The following FHIT variants were observed in gnomAD, a reference collection of about 807,000 sequenced individuals.
The protein encoded by FHIT is fragile histidine triad diadenosine triphosphatase.
A neutral mutation model predicts 17.9 loss-of-function variants in FHIT; 19 were observed. The ratio of observed to expected loss-of-function variants is 1.06; its 90% CI spans 0.74 to 1.56. The LOEUF (loss-of-function observed/expected upper bound fraction) is 1.56, where lower values mean the gene tolerates loss of function less well. FHIT is among the 40% of genes most tolerant of loss of function. The pLI, the probability that FHIT is intolerant of heterozygous loss-of-function variation, is 0.00. For missense variants in FHIT, 248 were observed against 189.2 expected, an observed-to-expected ratio of 1.31 and a Z score of -1.82; for synonymous variants, 81 against 69.7, an observed-to-expected ratio of 1.16 and a Z score of -0.81.
At chr3:60,872,561 G>T (rs781860157) in intron 3 of FHIT, among the ~76,000 whole-genome samples, 6 of 151,986 alleles carry the variant, frequency 3.9e-5, no homozygotes, top group Non-Finnish European at 5.9e-5. Context: ...GGCCAGTTTT[G>T]CTTCCTGGCT....
chr3:60,845,339 A>AC (rs1553746149), intron 3 of FHIT, among the ~76,000 whole-genome samples: 198 of 151,840 alleles, frequency 1.3e-3, no homozygotes, highest in African/African-American at 4.1e-3. Flanking sequence ...AAACAAACAA[A>AC]AAAAAAAACC....
chr3:60,923,763 C>T (rs782037319), intron 3 of FHIT, among the ~76,000 whole-genome samples: 2 of 152,158 alleles, frequency 1.3e-5, no homozygotes, highest in Non-Finnish European at 2.9e-5. Flanking sequence ...GGCAAGGCAT[C>T]ATCTCACCCG....
chr3:60,360,316 A>G (rs911308815), intron 5 of FHIT, among the ~76,000 whole-genome samples: 4 of 152,106 alleles, frequency 2.6e-5, no homozygotes, highest in East Asian at 1.9e-4. Flanking sequence ...CTGGCACTAT[A>G]AAAGACAAAG....
intron 4 of FHIT, among the ~76,000 whole-genome samples, chr3:60,597,342 T>C (rs771486959): frequency 6.6e-6 from 1 of 152,148 alleles, no homozygotes; most frequent in Non-Finnish European, 1.5e-5. Flanking sequence ...TTAATCATTA[T>C]ACATACTTAG....
intron 2 of FHIT, among the ~76,000 whole-genome samples, chr3:61,066,519 G>T (rs1559955369): frequency 6.6e-6 from 1 of 152,192 alleles, no homozygotes; most frequent in African/African-American, 2.4e-5. Flanking sequence ...GGAAGCTGAG[G>T]CAGGAGAATT....
At chr3:59,779,838 C>T (rs1702492079) in intron 8 of FHIT, among the ~76,000 whole-genome samples, 1 of 152,176 alleles carries the variant, frequency 6.6e-6, no homozygotes. Flanking sequence ...TCGATAAATA[C>T]ATGAGGGATA....
At chr3:60,095,256 A>G (rs1703896467) in intron 5 of FHIT, among the ~76,000 whole-genome samples, 1 of 152,240 alleles carries the variant, frequency 6.6e-6, no homozygotes, top group African/African-American at 2.4e-5. Context: ...AAAGCAGTGC[A>G]TACATTCCAT....
intron 4 of FHIT, among the ~76,000 whole-genome samples, chr3:60,769,745 G>A (rs1332077138): frequency 5.9e-5 from 9 of 152,198 alleles, no homozygotes; most frequent in South Asian, 2.1e-4. Context: ...AAGTATGGCC[G>A]CTGGGATTGG....
chr3:59,865,291 A>T (rs1285206264), intron 8 of FHIT, among the ~76,000 whole-genome samples: 1 of 152,258 alleles, frequency 6.6e-6, no homozygotes, highest in African/African-American at 2.4e-5. Flanking sequence ...TGGCTGTCAC[A>T]GTGAAAATGT....
intron 5 of FHIT, among the ~76,000 whole-genome samples, chr3:60,301,932 A>T (rs1179290254): frequency 3.2e-4 from 48 of 152,176 alleles, no homozygotes; most frequent in Admixed American, 3.1e-3. Flanking sequence ...TGTCAATTAA[A>T]AACTGTAAGA....
intron 4 of FHIT, 81 bp from the exon 5 acceptor site, chr3:60,537,060 A>G: frequency 9.0e-7 from 1 of 1,106,352 alleles, no homozygotes; most frequent in Non-Finnish European, 1.2e-6. Flanking sequence ...AGCAAATTCC[A>G]TTACTACAGA....
chr3:60,919,804 G>A (rs1388715005), intron 3 of FHIT, among the ~76,000 whole-genome samples: 1 of 152,160 alleles, frequency 6.6e-6, no homozygotes, highest in African/African-American at 2.4e-5. Flanking sequence ...GGGAGGCCGA[G>A]ATAGGTAGAT....
At chr3:60,474,397 TCA>T (rs997127177) in intron 5 of FHIT, among the ~76,000 whole-genome samples, 107 of 152,328 alleles carry the variant, frequency 7.0e-4, no homozygotes, top group East Asian at 4.0e-3. Context: ...AGGGCTTCTG[TCA>T]CACTCATATA....
chr3:59,936,276 T>G (rs1286072604), intron 7 of FHIT, among the ~76,000 whole-genome samples: 1 of 152,146 alleles, frequency 6.6e-6, no homozygotes, highest in Non-Finnish European at 1.5e-5. Flanking sequence ...ATCTATTTTT[T>G]TATTTATACA....
At chr3:60,935,841 C>T (rs78423687) in intron 3 of FHIT, among the ~76,000 whole-genome samples, 3 of 152,334 alleles carry the variant, frequency 2.0e-5, no homozygotes, top group African/African-American at 7.2e-5. Context: ...GTAGCATTCT[C>T]CTTCTCTTCG....
chr3:61,062,897 G>A (rs555176762), intron 2 of FHIT, among the ~76,000 whole-genome samples: 3 of 152,186 alleles, frequency 2.0e-5, no homozygotes, highest in Non-Finnish European at 2.9e-5. Flanking sequence ...GCTCACTGAA[G>A]ATGCTGTGCT....
At chr3:60,790,460 C>A (rs1553728188) in intron 4 of FHIT, among the ~76,000 whole-genome samples, 1 of 152,170 alleles carries the variant, frequency 6.6e-6, no homozygotes, top group Admixed American at 6.5e-5. Flanking sequence ...TTCCAAAATA[C>A]AAAAGCTGCA....
At chr3:60,573,888 T>G (rs1245342752) in intron 4 of FHIT, among the ~76,000 whole-genome samples, 1 of 152,026 alleles carries the variant, frequency 6.6e-6, no homozygotes, top group Non-Finnish European at 1.5e-5. Flanking sequence ...CAGCTCACTA[T>G]AACCTCTGCC....
intron 5 of FHIT, among the ~76,000 whole-genome samples, chr3:60,435,874 C>A (rs1363242170): frequency 6.6e-6 from 1 of 152,052 alleles, no homozygotes; most frequent in Non-Finnish European, 1.5e-5. Flanking sequence ...GTGTTCTCAT[C>A]ATTTAGCTCC....
Sources: gnomAD v4.1 joint callset for allele counts (sites outside exome capture counted in the v4.1 genomes callset) on GRCh38, gnomAD v4.1.1 for gene constraint, MANE v1.5 for transcripts, NCBI Gene and HGNC (gene_info 2026-07-23, HGNC 2026-07-21) for gene names.